Variants in BTG4 observed in about 807,000 individuals in gnomAD.
BTG4 encodes the protein BTG anti-proliferation factor 4, also known as protein BTG4.
BTG4 carries 10 observed loss-of-function variants against 19.3 expected under a neutral mutation model. That is an observed-to-expected ratio of 0.52 (90% CI 0.32 to 0.88). BTG4 has a LOEUF of 0.88. Ranked by LOEUF, BTG4 falls within the 40% of genes least tolerant of loss-of-function variation. The pLI is 0.04. For synonymous variants in BTG4, 91 were observed against 95.7 expected (o/e 0.95, Z 0.29); for missense variants, 238 against 281.9 (o/e 0.84, Z 1.11).
the BTG4 span, among the ~76,000 whole-genome samples, chr11:111,461,272 T>C: frequency 6.6e-6 from 1 of 152,204 alleles, no homozygotes; most frequent in African/African-American, 2.4e-5. Flanking sequence ...CTGACACCAC[T>C]GTTTCACAGG....
intron 5 of BTG4, among the ~76,000 whole-genome samples, chr11:111,481,328 T>G (rs769340027): frequency 6.6e-6 from 1 of 151,852 alleles, no homozygotes; most frequent in East Asian, 1.9e-4. Context: ...CAGGCCCAGA[T>G]AGCTTCATAA....
upstream of BTG4, among the ~76,000 whole-genome samples, chr11:111,512,624 T>TGAGCGGGAGGGCCCTGAGAG (rs1463022532): frequency 6.6e-6 from 1 of 151,932 alleles, no homozygotes; most frequent in African/African-American, 2.4e-5. Context: ...GAGGGGAACC[T>TGAGCGGGAGGGCCCTGAGAG]GAGCGGGAGG....
In BTG4 at chr11:111,495,009, T is replaced by C. The variant is rs1011931576; in HGVS notation, c.*126A>G. 1.0e-6 allele frequency: 1 copy of C among 985,296 alleles called. No individual in the cohort carries two copies. The highest frequency in any genetic ancestry group is 1.7e-5 in the African/African-American group (1 of 57,236). 61.0% of individuals were successfully genotyped at this position (985,296 alleles called of 1,614,324 possible). A position where few individuals can be genotyped will look rare whatever the true frequency, so the allele number is the denominator to read the frequency against. ...ATCTGTATGAGAGGATTTACCATTG[T>C]GTACCCTAGTCCCTAATATGGTCAT... is the stretch of plus-strand genomic sequence containing the variant. On this transcript the variant is annotated 3_prime_UTR_variant, in exon 5 of 5. Transcript: ENST00000692032.
the BTG4 span, among the ~76,000 whole-genome samples, chr11:111,433,653 C>T: frequency 6.6e-6 from 1 of 152,248 alleles, no homozygotes; most frequent in East Asian, 1.9e-4. Context: ...GCAATCTATC[C>T]ATCTGACAAA....
intron 5 of BTG4, chr11:111,469,222 G>A (rs1361852897): frequency 1.3e-5 from 2 of 152,254 alleles, no homozygotes; most frequent in African/African-American, 2.4e-5. Flanking sequence ...ACTGTTCATT[G>A]GGAGAGAATG....
chr11:111,400,479 G>A, the BTG4 span, among the ~76,000 whole-genome samples: 1 of 152,120 alleles, frequency 6.6e-6, no homozygotes, highest in Non-Finnish European at 1.5e-5. Flanking sequence ...TAAACAAAGT[G>A]CAGTACAAAC....
intron 2 of BTG4, 104 bp downstream of exon 2, chr11:111,498,500 C>T: frequency 9.7e-7 from 1 of 1,032,438 alleles, no homozygotes; most frequent in Non-Finnish European, 1.4e-6. Context: ...GCCCATAAAA[C>T]TTTTGTTACT....
upstream of BTG4, chr11:111,514,719 G>A (rs1307287340): frequency 1.8e-5 from 24 of 1,322,982 alleles, no homozygotes; most frequent in Non-Finnish European, 2.4e-5. Flanking sequence ...GCGGTTCTCG[G>A]AGGGGCGGGG....
chr11:111,480,207 A>T (rs1417447668), intron 5 of BTG4, among the ~76,000 whole-genome samples: 1 of 152,180 alleles, frequency 6.6e-6, no homozygotes, highest in Non-Finnish European at 1.5e-5. Context: ...AATATCAGAT[A>T]AAGCCGACAT....
the BTG4 span, among the ~76,000 whole-genome samples, chr11:111,433,145 C>A: frequency 6.6e-6 from 1 of 152,012 alleles, no homozygotes; most frequent in Admixed American, 6.6e-5. Context: ...TTGCAATGGG[C>A]GCAATATAAA....
chr11:111,510,649 T>C (rs973837198), intron 1 of BTG4, among the ~76,000 whole-genome samples: 8 of 152,232 alleles, frequency 5.3e-5, no homozygotes, highest in South Asian at 2.1e-4. Flanking sequence ...TTTTTTTTTT[T>C]CAACAGAACT....
At chr11:111,386,331 T>C in the BTG4 span, 1 of 152,224 alleles carries the variant, frequency 6.6e-6, no homozygotes, top group African/African-American at 2.4e-5. Flanking sequence ...TAGTATCATA[T>C]AGCTAGACAC....
chr11:111,482,790 A>G (rs141010442), intron 5 of BTG4, among the ~76,000 whole-genome samples: 1 of 151,946 alleles, frequency 6.6e-6, no homozygotes, highest in Non-Finnish European at 1.5e-5. Flanking sequence ...CATACAAAAA[A>G]TTAACTCAAA....
chr11:111,507,771 T>A (rs564690042), intron 1 of BTG4: 2 of 152,340 alleles, frequency 1.3e-5, no homozygotes, highest in South Asian at 4.1e-4. Context: ...GATTTGATCC[T>A]GAGCCTTCTG....
chr11:111,483,029 G>A (rs1864836165), intron 5 of BTG4, among the ~76,000 whole-genome samples: 2 of 152,092 alleles, frequency 1.3e-5, no homozygotes, highest in South Asian at 4.1e-4. Context: ...GAACCCTCTA[G>A]CAAGCATCCC....
intron 1 of BTG4, among the ~76,000 whole-genome samples, chr11:111,505,411 G>T (rs1372146260): frequency 6.6e-6 from 1 of 152,006 alleles, no homozygotes; most frequent in Admixed American, 6.6e-5. Flanking sequence ...TGGAAAAACT[G>T]GCTAGCCATA....
chr11:111,450,252 G>A, the BTG4 span: 1 of 152,620 alleles, frequency 6.6e-6, no homozygotes, highest in East Asian at 1.9e-4. Flanking sequence ...CTCAGGGAAG[G>A]GGCTGTGTTC....
the BTG4 span, among the ~76,000 whole-genome samples, chr11:111,434,462 G>A: frequency 1.3e-5 from 2 of 151,906 alleles, no homozygotes; most frequent in African/African-American, 4.8e-5. Flanking sequence ...TGAGTTGATG[G>A]GTGCAGCAAA....
chr11:111,446,380 G>C, the BTG4 span, among the ~76,000 whole-genome samples: 1 of 152,140 alleles, frequency 6.6e-6, no homozygotes, highest in East Asian at 1.9e-4. Flanking sequence ...GCATATCAAA[G>C]TTCCTCGCAA....
Sources: gnomAD v4.1 joint callset for allele counts (sites outside exome capture counted in the v4.1 genomes callset) on GRCh38, gnomAD v4.1.1 for gene constraint, MANE v1.5 for transcripts, NCBI Gene and HGNC (gene_info 2026-07-23, HGNC 2026-07-21) for gene names.